Variants in PREPL observed in about 807,000 individuals in gnomAD.
The protein encoded by PREPL is prolyl endopeptidase-like.
A neutral mutation model predicts 70.6 loss-of-function variants in PREPL; 77 were observed. The ratio of observed to expected loss-of-function variants is 1.09; its 90% CI spans 0.91 to 1.32. The LOEUF is 1.32. Ranked by LOEUF, PREPL falls within the 40% of genes most tolerant of loss-of-function variation. The pLI is 0.00. For missense variants in PREPL, 1,002 were observed against 778.2 expected, an observed-to-expected ratio of 1.29 and a Z score of -3.42; for synonymous variants, 315 against 264.8, an observed-to-expected ratio of 1.19 and a Z score of -1.84.
chr2:44,346,528 G>T, intron 1 of PREPL, 138 bp from the exon 2 acceptor site: 1 of 746,580 alleles, frequency 1.3e-6, no homozygotes. Context: ...GTATTTCACA[G>T]ATTGTAAATG....
chr2:44,320,809 A>G lies in PREPL; in HGVS notation c.*547T>C. On this transcript the variant is annotated 3_prime_UTR_variant, in exon 14 of 14. Transcript: ENST00000409411. ...TTCTCAAATGTTTTGAAAAAAATAA[A>G]ATGTTTAAAAGTAAATTATGGCTTA... The G allele has an allele frequency of 1.5e-6, 1 of 653,446 alleles. No individual in the cohort carries two copies. The highest frequency in any genetic ancestry group is 2.6e-5 in the Admixed American group (1 of 38,418). The allele number at this position is 653,446 out of a possible 1,614,324, so 40.5% of individuals were successfully genotyped here.
At chr2:44,352,654 A>T (rs145166516) in intron 1 of PREPL, among the ~76,000 whole-genome samples, 67 of 152,310 alleles carry the variant, frequency 4.4e-4, no homozygotes, top group African/African-American at 1.6e-3. Flanking sequence ...GTTCAGTGTT[A>T]TATCTCCAGT....
Position 44,323,389 on chromosome 2 carries a change from T to G in PREPL, c.1502A>C (p.Asn501Thr), listed in dbSNP as rs75128515. Residue 501 changes from asparagine (N) to threonine (T), a missense_variant, in exon 11 of 14, where the codon AAC becomes ACC. Asn to Thr is a moderately conservative substitution (Grantham distance 65, BLOSUM62 0). Transcript: ENST00000409411. ...TLEAPFLDVL[N>T]TMMDTTLPLT... The stretch of plus-strand genomic sequence containing the variant: ...AGGAAGTGTAGTGTCCATCATGGTG[T>G]TGAGAACATCCAAGAAAGGTGCCTA... 6.3e-7 allele frequency: 1 copy of G among 1,596,768 alleles called. No homozygotes were observed. The highest frequency in any genetic ancestry group is 8.5e-7 in the Non-Finnish European group (1 of 1,172,248).
chr2:44,356,830 G>C (rs1287451538), intron 1 of PREPL, among the ~76,000 whole-genome samples: 1 of 150,704 alleles, frequency 6.6e-6, no homozygotes, highest in East Asian at 1.9e-4. Flanking sequence ...TTTTGAGACA[G>C]GGTATCCTTC....
intron 13 of PREPL, 63 bp from the exon 14 acceptor site, chr2:44,321,508 GCTT>G: frequency 6.4e-7 from 1 of 1,573,992 alleles, no homozygotes; most frequent in Non-Finnish European, 8.6e-7. Flanking sequence ...CACTGTTTAA[GCTT>G]CTCTTTATCT....
intron 1 of PREPL, among the ~76,000 whole-genome samples, chr2:44,351,705 C>G (rs1676462090): frequency 6.6e-6 from 1 of 152,216 alleles, no homozygotes; most frequent in Admixed American, 6.5e-5. Context: ...CTGACCACTT[C>G]TCACACTTGG....
At chr2:44,349,538 TAAGG>T (rs747176525) in intron 1 of PREPL, among the ~76,000 whole-genome samples, 2 of 152,220 alleles carry the variant, frequency 1.3e-5, no homozygotes, top group Non-Finnish European at 2.9e-5. Context: ...GAGTAAGTCT[TAAGG>T]AAGTAGAAGA....
At chr2:44,355,766 T>C (rs886539438) in intron 1 of PREPL, among the ~76,000 whole-genome samples, 1 of 100,804 alleles carries the variant, frequency 9.9e-6, no homozygotes, top group African/African-American at 3.1e-5. Context: ...TATATATATA[T>C]ATATATATAT....
chr2:44,356,221 C>T (rs147588954), intron 1 of PREPL: 5 of 152,102 alleles, frequency 3.3e-5, no homozygotes, highest in African/African-American at 4.8e-5. Flanking sequence ...GTTGTGAGTT[C>T]CAGAATTACC....
chr2:44,331,125 T>A (rs1372637559), intron 8 of PREPL, among the ~76,000 whole-genome samples: 2 of 152,264 alleles, frequency 1.3e-5, no homozygotes, highest in East Asian at 3.9e-4. Context: ...TTGGTTTTTG[T>A]AGAGATGAGG....
In PREPL at chr2:44,317,926, AAC is replaced by A. The variant is rs1027948231; in HGVS notation, c.*3428_*3429del. The A allele has an allele frequency of 1.6e-5, 4 of 251,644 alleles. No individual in the cohort carries two copies. Among genetic ancestry groups the A allele is most frequent in the Admixed American group, 1.1e-4 (2 of 18,796 alleles). 15.6% of individuals were successfully genotyped at this position (251,644 alleles called of 1,614,324 possible). On this transcript the variant is annotated 3_prime_UTR_variant, in exon 14 of 14. Coordinates refer to ENST00000409411, the MANE Select transcript of PREPL (RefSeq NM_001171613.2). ...ACAGACATAAGAAACACTAACATAAAACACAAAGAATTAAAATGAAGATATAG... is the reference window on the plus strand; with the variant it reads ...ACAGACATAAGAAACACTAACATAAAACAAAGAATTAAAATGAAGATATAG...
At chr2:44,341,245 A>G (rs1430330406) in intron 5 of PREPL, among the ~76,000 whole-genome samples, 2 of 152,110 alleles carry the variant, frequency 1.3e-5, no homozygotes, top group Admixed American at 6.5e-5. Context: ...TTTTTCCCAA[A>G]TAGTATTTCC....
chr2:44,355,740 A>C (rs929389166), intron 1 of PREPL, among the ~76,000 whole-genome samples: 1 of 137,090 alleles, frequency 7.3e-6, no homozygotes, highest in Non-Finnish European at 1.5e-5. Flanking sequence ...CAAGATATAC[A>C]AAACTACATA....
chr2:44,320,976 G>C lies in PREPL; in HGVS notation c.*380C>G. ...TTAAAATGCAGTCATAGAAATTAGA[G>C]GATGACTCACTGCCACAGTGTCTAA... On this transcript the variant is annotated 3_prime_UTR_variant, in exon 14 of 14. Coordinates refer to ENST00000409411, the MANE Select transcript of PREPL (RefSeq NM_001171613.2). 1 of 397,984 alleles carries C rather than the reference G, an allele frequency of 2.5e-6. No individual in the cohort carries two copies. The highest frequency in any genetic ancestry group is 5.5e-5 in the East Asian group (1 of 18,096). The allele number at this position is 397,984 out of a possible 1,614,324, so 24.7% of individuals were successfully genotyped here.
At chr2:44,357,773 C>T (rs1677205834) in intron 1 of PREPL, among the ~76,000 whole-genome samples, 1 of 151,866 alleles carries the variant, frequency 6.6e-6, no homozygotes, top group Non-Finnish European at 1.5e-5. Flanking sequence ...AAACACAATG[C>T]AAAATAAAAT....
chr2:44,331,424 C>A (rs1213338332), intron 8 of PREPL, among the ~76,000 whole-genome samples: 2 of 151,940 alleles, frequency 1.3e-5, no homozygotes, highest in Non-Finnish European at 1.5e-5. Flanking sequence ...CCATATTGGC[C>A]AGGCTGGTCT....
intron 10 of PREPL, 73 bp downstream of exon 10, chr2:44,326,639 A>C: frequency 6.7e-7 from 1 of 1,493,888 alleles, no homozygotes; most frequent in Non-Finnish European, 9.3e-7. Context: ...CAGCCCAAAA[A>C]CATTTTTCTT....
chr2:44,334,477 C>G (rs1023601158), intron 7 of PREPL, among the ~76,000 whole-genome samples: 1 of 152,154 alleles, frequency 6.6e-6, no homozygotes, highest in African/African-American at 2.4e-5. Context: ...CCAGAAAATA[C>G]TGATGGCATG....
chr2:44,340,341 G>A (rs926680078), intron 5 of PREPL, among the ~76,000 whole-genome samples: 1 of 151,734 alleles, frequency 6.6e-6, no homozygotes, highest in African/African-American at 2.4e-5. Context: ...TTTATGACTT[G>A]ATGAATATAA....
Sources: allele counts gnomAD v4.1 joint callset (sites outside exome capture counted in the v4.1 genomes callset), GRCh38; gene constraint gnomAD v4.1.1; transcripts MANE v1.5; gene names NCBI Gene and HGNC (gene_info 2026-07-23, HGNC 2026-07-21).